Variants in RBM25 observed in about 807,000 individuals in gnomAD.
RBM25 encodes the protein RNA binding motif protein 25.
Under a neutral mutation model 120.7 loss-of-function variants are expected in RBM25, and 19 were observed. The ratio of observed to expected loss-of-function variants is 0.16; its 90% CI spans 0.11 to 0.23. The LOEUF is 0.23. RBM25 is among the 10% of genes least tolerant of loss of function. The pLI is 1.00. For synonymous variants in RBM25, 390 were observed against 326.7 expected (o/e 1.19, Z -2.09); for missense variants, 605 against 1,041.5 (o/e 0.58, Z 5.77).
intron 10 of RBM25, among the ~76,000 whole-genome samples, chr14:73,104,662 C>T (rs369859540): frequency 1.3e-4 from 20 of 151,992 alleles, no homozygotes; most frequent in African/African-American, 4.4e-4. Context: ...CCACCATGCC[C>T]GGCCTTATAT....
intron 2 of RBM25, among the ~76,000 whole-genome samples, chr14:73,074,179 A>T (rs747556383): frequency 6.6e-6 from 1 of 152,164 alleles, no homozygotes; most frequent in Non-Finnish European, 1.5e-5. Context: ...TTTTCTTCAT[A>T]TATTTATAGG....
At chr14:73,069,078 A>G (rs1895213226) in intron 1 of RBM25, among the ~76,000 whole-genome samples, 1 of 151,580 alleles carries the variant, frequency 6.6e-6, no homozygotes, top group Non-Finnish European at 1.5e-5. Context: ...TGATTTATGT[A>G]TTTTTAGTAG....
intron 2 of RBM25, among the ~76,000 whole-genome samples, chr14:73,075,171 AT>A (rs899331290): frequency 6.6e-6 from 1 of 151,176 alleles, no homozygotes; most frequent in Non-Finnish European, 1.5e-5. Flanking sequence ...TTATTTATTT[AT>A]TTTTTTGGTA....
rs34862161 is a variant in RBM25, at chr14:73,105,126, C to CTTT, written c.1155-717_1155-715dup. Among the ~76,000 whole-genome samples the CTTT allele has an allele frequency of 4.3e-3, 466 of 109,516 alleles. 35 individuals carry two copies. The highest frequency in any genetic ancestry group is 0.017 in the African/African-American group (450 of 26,666). 71.8% of individuals were successfully genotyped at this position (109,516 alleles called of 152,430 possible). ...TGTAATCTGCAGTTTGGTTTTATTACTTTTTTTTTTTTTTTTTTGGAGACG... is the reference window on the plus strand; with the variant it reads ...TGTAATCTGCAGTTTGGTTTTATTACTTTTTTTTTTTTTTTTTTTTTGGAGACG... On this transcript the variant is annotated intron_variant, in intron 10 of 18. Coordinates refer to ENST00000261973, the MANE Select transcript of RBM25 (RefSeq NM_021239.3).
At chr14:73,104,715 A>G (rs1255422287) in intron 10 of RBM25, among the ~76,000 whole-genome samples, 1 of 152,184 alleles carries the variant, frequency 6.6e-6, no homozygotes, top group Admixed American at 6.5e-5. Flanking sequence ...ATAATGAGGT[A>G]TAGCAAACAT....
chr14:73,089,304 C>T (rs562853082), intron 6 of RBM25, among the ~76,000 whole-genome samples: 3 of 152,044 alleles, frequency 2.0e-5, no homozygotes, highest in African/African-American at 4.8e-5. Context: ...ACACTGTAGG[C>T]GGTTTGGATG....
At chr14:73,101,804 G>A (rs1222024986) in intron 9 of RBM25, 1 of 152,084 alleles carries the variant, frequency 6.6e-6, no homozygotes, top group Admixed American at 6.6e-5. Context: ...GTTTTATATA[G>A]TCTAGCCTCA....
chr14:73,099,968 C>A, intron 9 of RBM25: 1 of 593,992 alleles, frequency 1.7e-6, no homozygotes, highest in Non-Finnish European at 2.6e-6. Context: ...GACTATTCTG[C>A]AGTCATCTCA....
chr14:73,080,369 G>A lies in RBM25; in HGVS notation c.324+2833G>A, dbSNP rs546303263. Among the ~76,000 whole-genome samples, 435 of 151,562 alleles carry A rather than the reference G, an allele frequency of 2.9e-3. 2 individuals carry two copies. The highest frequency in any genetic ancestry group is 0.01 in the African/African-American group (420 of 41,310). On this transcript the variant is annotated intron_variant, in intron 4 of 18. Transcript: ENST00000261973. ...TTCCCAAGTAGCTGGGACTACAGGC[G>A]CCCGCCACCATGCCCGGCTAATTTT...
intron 18 of RBM25, among the ~76,000 whole-genome samples, chr14:73,115,807 G>A (rs934618965): frequency 2.0e-5 from 3 of 152,202 alleles, no homozygotes; most frequent in Admixed American, 6.5e-5. Context: ...GTTGTGGAAG[G>A]CGAATTGTAA....
rs1458558169 is a variant in RBM25 at position 73,104,598 on chromosome 14, C to T, written c.1154+1120C>T. On this transcript the variant is annotated intron_variant, in intron 10 of 18. Transcript: ENST00000261973. ...GCCCAGCTGGTCTCGAACTCCTGAG[C>T]TCAGGTAATCTGCCTGCCTCAGCCT... is the stretch of plus-strand genomic sequence containing the variant. 2.0e-5 allele frequency among the ~76,000 whole-genome samples: 3 copies of T among 151,980 alleles called. No individual in the cohort carries two copies. In the East Asian group the frequency reaches 5.8e-4, roughly 29 times the overall value.
intron 6 of RBM25, among the ~76,000 whole-genome samples, chr14:73,094,962 T>TTC (rs1292876976): frequency 6.6e-6 from 1 of 151,860 alleles, no homozygotes; most frequent in Non-Finnish European, 1.5e-5. Context: ...GTTCAAGCAA[T>TTC]TCTCTTGCCT....
intron 17 of RBM25, among the ~76,000 whole-genome samples, chr14:73,112,677 T>C (rs1247665575): frequency 6.6e-6 from 1 of 152,218 alleles, no homozygotes; most frequent in Non-Finnish European, 1.5e-5. Context: ...ACCCATCCTT[T>C]GGATAGGATC....
rs1896551186 is a variant in RBM25 at position 73,122,249 on chromosome 14, A to G, written c.*2444A>G. 1 of 150,882 alleles carries G rather than the reference A, an allele frequency of 6.6e-6. No individual in the cohort carries two copies. Among genetic ancestry groups the G allele is most frequent in the Admixed American group, 6.6e-5 (1 of 15,156 alleles). 9.3% of individuals were successfully genotyped at this position (150,882 alleles called of 1,614,324 possible). ...CATTTCAAGTTGTTATATAAAGAGC[A>G]TGAAAGTCTTTTTTTGTTGTTTTTT... On this transcript the variant is annotated 3_prime_UTR_variant, in exon 19 of 19. Coordinates refer to ENST00000261973, the MANE Select transcript of RBM25 (RefSeq NM_021239.3).
chr14:73,083,597 T>A, intron 5 of RBM25, 46 bp downstream of exon 5: 1 of 1,385,598 alleles, frequency 7.2e-7, no homozygotes, highest in Non-Finnish European at 9.8e-7. Flanking sequence ...TTAACTAACC[T>A]GTGTGCTTAA....
rs569416992 is a variant in RBM25 at position 73,105,922 on chromosome 14, G to GCGAGAA, written c.1227_1232dup (p.Arg425_Glu426dup). 1.1e-5 allele frequency: 18 copies of GCGAGAA among 1,612,148 alleles called. No individual in the cohort carries two copies. Among genetic ancestry groups the GCGAGAA allele is most frequent in the African/African-American group, 9.4e-5 (7 of 74,778 alleles). ...AAAGAGAGAGAGAGAGAGAACGAGA[G>GCGAGAA]CGAGAACGAGAACGGGAGCGAGAGA... On this transcript the variant is annotated inframe_insertion, in exon 11 of 19. Coordinates refer to ENST00000261973, the MANE Select transcript of RBM25 (RefSeq NM_021239.3).
intron 6 of RBM25, among the ~76,000 whole-genome samples, chr14:73,090,930 C>T (rs547139224): frequency 6.6e-6 from 1 of 152,254 alleles, no homozygotes; most frequent in Non-Finnish European, 1.5e-5. Flanking sequence ...GTAATACTGC[C>T]TGTCACATCA....
rs139264404 is a variant in RBM25 at position 73,098,726 on chromosome 14, C to T, written c.730-654C>T. Reference sequence around the variant, plus strand: ...AGCTGCGATCTCAGCTCACTGCAAGCTCTGCCTCCCGGGTTCAAGCGATTC... The same window carrying T: ...AGCTGCGATCTCAGCTCACTGCAAGTTCTGCCTCCCGGGTTCAAGCGATTC... On this transcript the variant is annotated intron_variant, in intron 7 of 18. Transcript: ENST00000261973. 6.0e-3 allele frequency among the ~76,000 whole-genome samples: 910 copies of T among 152,190 alleles called. 12 individuals are homozygous for T. The highest frequency in any genetic ancestry group is 0.021 in the African/African-American group (861 of 41,522).
At chr14:73,083,471 G>A in intron 4 of RBM25, 23 bp from the exon 5 acceptor site, 2 of 1,543,086 alleles carry the variant, frequency 1.3e-6, no homozygotes, top group Non-Finnish European at 1.7e-6. Context: ...GTAGCAATCT[G>A]TTTGTTTTGT....
Sources: allele counts gnomAD v4.1 joint callset (sites outside exome capture counted in the v4.1 genomes callset), GRCh38; gene constraint gnomAD v4.1.1; transcripts MANE v1.5; gene names NCBI Gene and HGNC (gene_info 2026-07-23, HGNC 2026-07-21).